ATP13A5: variants seen among roughly 807,000 people sequenced by gnomAD.
ATP13A5 encodes the protein probable cation-transporting ATPase 13A5.
In ATP13A5, 149 loss-of-function variants were observed where a neutral mutation model predicts 150.2. The observed-to-expected ratio is 0.99, with a 90% CI of 0.87 to 1.14. The LOEUF is 1.14. Among genes scored for constraint, ATP13A5 ranks in the 50% most tolerant of loss-of-function variants. The pLI, the probability that ATP13A5 is intolerant of heterozygous loss-of-function variation, is 0.00. For synonymous variants in ATP13A5, 497 were observed against 522.2 expected (o/e 0.95, Z 0.66); for missense variants, 1,383 against 1,449.3 (o/e 0.95, Z 0.74).
chr3:193,342,461 T>C (rs1038930057), intron 9 of ATP13A5, among the ~76,000 whole-genome samples: 2 of 152,190 alleles, frequency 1.3e-5, no homozygotes, highest in African/African-American at 2.4e-5. Flanking sequence ...AGAAATAATG[T>C]ATTTTTACTT....
intron 25 of ATP13A5, among the ~76,000 whole-genome samples, chr3:193,295,677 A>G (rs1718140817): frequency 6.6e-6 from 1 of 152,150 alleles, no homozygotes; most frequent in African/African-American, 2.4e-5. Flanking sequence ...ATATGTGAGG[A>G]CAGTGAATTG....
intron 12 of ATP13A5, among the ~76,000 whole-genome samples, chr3:193,329,784 T>C (rs1711559080): frequency 6.6e-6 from 1 of 152,184 alleles, no homozygotes; most frequent in Non-Finnish European, 1.5e-5. Flanking sequence ...ATTTGCCTTC[T>C]ACTCTCCATC....
intron 5 of ATP13A5, among the ~76,000 whole-genome samples, chr3:193,361,584 T>A (rs1713007699): frequency 6.6e-6 from 1 of 152,202 alleles, no homozygotes; most frequent in Non-Finnish European, 1.5e-5. Flanking sequence ...ATAAAGGTGA[T>A]TATAAGATTC....
At chr3:193,348,300 T>C (rs6444709) in intron 7 of ATP13A5, among the ~76,000 whole-genome samples, 18,278 of 152,196 alleles carry the variant, frequency 0.12, 2,014 homozygotes, top group African/African-American at 0.28. Flanking sequence ...ATTCAGCATC[T>C]GTTGCTACGT....
Position 193,363,332 on chromosome 3 carries a change from G to C in ATP13A5, c.288C>G (p.Ser96=), listed in dbSNP as rs925240876. Residue 96 remains serine (S), a synonymous_variant, in exon 3 of 30, where the codon TCC becomes TCG. Coordinates refer to ENST00000342358, the MANE Select transcript of ATP13A5 (RefSeq NM_198505.4). The stretch of plus-strand genomic sequence containing the variant: ...TCTTGCTTACAGGAAACTTCAGTGT[G>C]GATAAGTAGAGGCAGAATACCTTCT... ...MRKKVFCLYL[S]TLKFPVSKKW... The C allele has an allele frequency of 6.2e-7, 1 of 1,613,704 alleles. No individual in the cohort carries two copies. The highest frequency in any genetic ancestry group is 8.5e-7 in the Non-Finnish European group (1 of 1,179,746).
chr3:193,295,862 G>A (rs1166274981), intron 25 of ATP13A5, among the ~76,000 whole-genome samples: 1 of 152,124 alleles, frequency 6.6e-6, no homozygotes, highest in Non-Finnish European at 1.5e-5. Context: ...AAAGGCAATT[G>A]TTAGGAGCAA....
chr3:193,349,838 G>T (rs1027941038), intron 7 of ATP13A5, among the ~76,000 whole-genome samples: 1 of 152,086 alleles, frequency 6.6e-6, no homozygotes, highest in African/African-American at 2.4e-5. Context: ...TAATATAGCA[G>T]CATCTATTAA....
chr3:193,297,839 T>TTATA (rs1718234587), intron 25 of ATP13A5, among the ~76,000 whole-genome samples: 1 of 152,110 alleles, frequency 6.6e-6, no homozygotes, highest in South Asian at 2.1e-4. Flanking sequence ...AATAACTTGC[T>TTATA]CAGTGTCATA....
At chr3:193,345,740 A>G (rs1338936112) in intron 7 of ATP13A5, among the ~76,000 whole-genome samples, 5 of 152,186 alleles carry the variant, frequency 3.3e-5, no homozygotes, top group Admixed American at 3.3e-4. Flanking sequence ...GGACTCAAAT[A>G]TAGAAGTACA....
At chr3:193,307,224 G>T in intron 22 of ATP13A5, 103 bp downstream of exon 22, 1 of 1,588,534 alleles carries the variant, frequency 6.3e-7, no homozygotes, top group African/African-American at 1.3e-5. Flanking sequence ...ATAATCAAAT[G>T]GTTGCTGGTG....
intron 18 of ATP13A5, among the ~76,000 whole-genome samples, 188 bp downstream of exon 18, chr3:193,314,775 ATACGGTCCC>A (rs1262160841): frequency 2.0e-5 from 3 of 152,152 alleles, no homozygotes; most frequent in Non-Finnish European, 2.9e-5. Context: ...AGAGGATGAG[ATACGGTCCC>A]TACCTTCAAA....
chr3:193,318,955 A>C lies in ATP13A5; in HGVS notation c.2033+36T>G, dbSNP rs1400570612. The C allele has an allele frequency of 2.1e-6, 3 of 1,458,482 alleles. No homozygotes were observed. In the African/African-American group the frequency reaches 4.2e-5, roughly 20 times the overall value. The allele number at this position is 1,458,482 out of a possible 1,614,324, so 90.3% of individuals were successfully genotyped here. ...TCCAGGACTCGCACTTCATGGGCAC[A>C]GAGCCTGCTCTAGTGCCAATTTCTG... On this transcript the variant is annotated intron_variant, in intron 17 of 29. Coordinates refer to ENST00000342358, the MANE Select transcript of ATP13A5 (RefSeq NM_198505.4).
chr3:193,286,413 A>G (rs544269999), intron 26 of ATP13A5, among the ~76,000 whole-genome samples: 2 of 152,084 alleles, frequency 1.3e-5, no homozygotes, highest in African/African-American at 2.4e-5. Context: ...TAGCAAGTCT[A>G]TTGGCACCAT....
chr3:193,322,363 C>T, intron 15 of ATP13A5, 128 bp downstream of exon 15: 1 of 751,472 alleles, frequency 1.3e-6, no homozygotes, highest in South Asian at 1.8e-5. Context: ...ATGAAAGAAA[C>T]AGCAAACCAA....
chr3:193,331,350 C>A, intron 11 of ATP13A5, 39 bp from the exon 12 acceptor site: 1 of 1,567,336 alleles, frequency 6.4e-7, no homozygotes, highest in African/African-American at 1.4e-5. Context: ...GATAGCCCAG[C>A]ACAGCAGACT....
At chr3:193,354,398 G>C (rs1577367495) in intron 5 of ATP13A5, among the ~76,000 whole-genome samples, 3 of 152,140 alleles carry the variant, frequency 2.0e-5, no homozygotes, top group Middle Eastern at 3.4e-3. Context: ...CAGAGCTGTA[G>C]TCCTCGATAC....
In ATP13A5 at chr3:193,305,549, A is replaced by T. The variant is rs1176807370; in HGVS notation, c.2678+10T>A. On this transcript the variant is annotated intron_variant, in intron 23 of 29. Transcript: ENST00000342358. ...TGATTGTAGGGCTGGAAGAGGAAAA[A>T]ATGACTTACCTGATGAGATGAGGCA... 1 of 1,610,980 alleles carries T rather than the reference A, an allele frequency of 6.2e-7. No individual in the cohort carries two copies. The highest frequency in any genetic ancestry group is 8.5e-7 in the Non-Finnish European group (1 of 1,177,266).
intron 27 of ATP13A5, chr3:193,281,256 A>G (rs77961527): frequency 0.03 from 28,904 of 975,080 alleles, 519 homozygotes; most frequent in Non-Finnish European, 0.033. Flanking sequence ...TGTTCTGATG[A>G]AGTCCTAGAC....
At chr3:193,284,008 A>ATTATTATTATTATTATTC (rs1717612915) in intron 27 of ATP13A5, among the ~76,000 whole-genome samples, 2 of 3,728 alleles carry the variant, frequency 5.4e-4, no homozygotes, top group African/African-American at 1.6e-3. Flanking sequence ...TGGCCTGCGG[A>ATTATTATTATTATTATTC]TTATTATTAT....
Sources: allele counts gnomAD v4.1 joint callset (sites outside exome capture counted in the v4.1 genomes callset), GRCh38; gene constraint gnomAD v4.1.1; transcripts MANE v1.5; gene names NCBI Gene and HGNC (gene_info 2026-07-23, HGNC 2026-07-21).